Variants in SHLD2 observed in about 807,000 individuals in gnomAD.
SHLD2 encodes RINN1-REV7-interacting novel NHEJ regulator 2.
A neutral mutation model predicts 73.2 loss-of-function variants in SHLD2; 30 were observed. The ratio of observed to expected loss-of-function variants is 0.41; its 90% confidence interval spans 0.31 to 0.56. The LOEUF (loss-of-function observed/expected upper bound fraction) is 0.56, where lower values mean the gene tolerates loss of function less well. Ranked by LOEUF, SHLD2 falls within the 20% of genes least tolerant of loss-of-function variation. The pLI is 0.28. For missense variants in SHLD2, 745 were observed against 1,055.9 expected (o/e 0.71, Z 4.08); for synonymous variants, 285 against 370.1 (o/e 0.77, Z 2.64).
chr10:87,184,279 A>G (rs532112268), intron 8 of SHLD2, among the ~76,000 whole-genome samples: 14 of 151,888 alleles, frequency 9.2e-5, no homozygotes, highest in Non-Finnish European at 2.1e-4. Context: ...ACTTTTTTCC[A>G]TCTCCACTGC....
At position 87,158,133 on chromosome 10, in the gene SHLD2, T is replaced by C. The variant is rs140423511; in HGVS notation, c.1611T>C (p.Tyr537=). 156 of 1,611,106 alleles carry C rather than the reference T, an allele frequency of 9.7e-5. No individual in the cohort carries two copies. The highest frequency in any genetic ancestry group is 1.2e-4 in the Non-Finnish European group (147 of 1,179,458). The part of the protein sequence containing the change: ...FSSQLLNLGS[Y]SSIQPEEYSS... Reference sequence around the variant, plus strand: ...GTCAGTTATTAAATCTTGGGAGTTATTCATCTATTCAGCCTGAAGAATGTA... The same window carrying C: ...GTCAGTTATTAAATCTTGGGAGTTACTCATCTATTCAGCCTGAAGAATGTA... Residue 537 remains tyrosine, a synonymous_variant, in exon 4 of 10, where the codon TAT becomes TAC. Coordinates refer to ENST00000298786, the MANE Select transcript of SHLD2 (RefSeq NM_001330112.2).
intron 8 of SHLD2, among the ~76,000 whole-genome samples, 178 bp from the exon 9 acceptor site, chr10:87,186,907 G>C (rs1848654526): frequency 6.6e-6 from 1 of 150,732 alleles, no homozygotes; most frequent in Non-Finnish European, 1.5e-5. Flanking sequence ...TGAAGCTCTT[G>C]GGGAAAAAAA....
intron 3 of SHLD2, among the ~76,000 whole-genome samples, chr10:87,156,297 C>A (rs1269439224): frequency 6.6e-6 from 1 of 152,024 alleles, no homozygotes; most frequent in Non-Finnish European, 1.5e-5. Flanking sequence ...GAACTCCTGA[C>A]CTTGTGATCT....
chr10:87,094,771 G>A (rs1841686005), upstream of SHLD2: 1 of 1,535,400 alleles, frequency 6.5e-7, no homozygotes, highest in Non-Finnish European at 8.8e-7. The surrounding 1 kb of genome is among the most constrained non-coding windows in gnomAD (Gnocchi z 6.6). Context: ...GCGGTACATG[G>A]CCACAAGCGG....
At chr10:87,111,326 G>A (rs1202919563) in intron 2 of SHLD2, among the ~76,000 whole-genome samples, 1 of 151,908 alleles carries the variant, frequency 6.6e-6, no homozygotes, top group Non-Finnish European at 1.5e-5. Context: ...CCACATCCCA[G>A]TAAGTTTTGT....
chr10:87,139,510 G>A (rs982955810), intron 2 of SHLD2, among the ~76,000 whole-genome samples: 6 of 152,018 alleles, frequency 3.9e-5, no homozygotes, highest in Admixed American at 1.3e-4. Flanking sequence ...TCTGATGATT[G>A]AATTATCAGC....
rs542271324 is a variant in SHLD2, at chr10:87,103,990, T to C, written c.-6+7001T>C. 3.3e-5 allele frequency among the ~76,000 whole-genome samples: 5 copies of C among 152,136 alleles called. No homozygotes were observed. The East Asian group carries it at 7.7e-4, about 23-fold the overall frequency. The stretch of plus-strand genomic sequence containing the variant: ...GGCTCACGCTTGTAATCCTAGCACT[T>C]TGGGAGGCTGAGGTGGGTGGATCAC... On this transcript the variant is annotated intron_variant, in intron 2 of 9. Transcript: ENST00000298786.
rs150604440 is a variant in SHLD2, at chr10:87,152,015, A to G, written c.661A>G (p.Lys221Glu). 1.9e-4 allele frequency: 310 copies of G among 1,611,972 alleles called. No homozygotes were observed. The highest frequency in any genetic ancestry group is 2.3e-4 in the Middle Eastern group (1 of 4,430). Reference sequence around the variant, plus strand: ...ATTATTTTCCTCGAACGCAGTAGATAAGTCAAGGTCTGAAGCAGCAGTTAG... The same window carrying G: ...ATTATTTTCCTCGAACGCAGTAGATGAGTCAAGGTCTGAAGCAGCAGTTAG... ...LGLFSSNAVD[K>E]SRSEAAVRKV... The change falls in exon 3 of 10, where the codon AAG (lysine) becomes GAG (glutamate). Residue 221 changes from lysine (K) to glutamate (E), a missense_variant. By Grantham distance (56) the Lys-to-Glu change is moderately conservative. Around this residue, in one of 5 missense-constraint regions of SHLD2, gnomAD observed 280 missense variants for 353.9 expected, o/e 0.79. Transcript: ENST00000298786.
intron 2 of SHLD2, among the ~76,000 whole-genome samples, chr10:87,146,670 CCTT>C (rs1413790907): frequency 2.6e-5 from 4 of 151,938 alleles, no homozygotes; most frequent in Admixed American, 1.3e-4. Context: ...AGACAATTCT[CCTT>C]CTTCCATTGT....
chr10:87,140,406 T>G, intron 2 of SHLD2, among the ~76,000 whole-genome samples: 1 of 130,766 alleles, frequency 7.6e-6, no homozygotes, highest in African/African-American at 2.9e-5. Context: ...GGCAACAGAG[T>G]GAGAACCTAT....
At chr10:87,176,827 T>C (rs1589652506) in intron 7 of SHLD2, among the ~76,000 whole-genome samples, 1 of 152,252 alleles carries the variant, frequency 6.6e-6, no homozygotes, top group Non-Finnish European at 1.5e-5. Context: ...CAACTTTTAA[T>C]TGAATACAGA....
chr10:87,139,897 A>C (rs1398927126), intron 2 of SHLD2, among the ~76,000 whole-genome samples: 1 of 152,214 alleles, frequency 6.6e-6, no homozygotes, highest in African/African-American at 2.4e-5. Flanking sequence ...AAACTGGGGG[A>C]AAAACTGGAT....
intron 2 of SHLD2, among the ~76,000 whole-genome samples, chr10:87,143,074 C>T (rs1845321082): frequency 6.6e-6 from 1 of 151,598 alleles, no homozygotes; most frequent in Admixed American, 6.6e-5. Flanking sequence ...GGACTACAGG[C>T]ACATACCACC....
chr10:87,177,669 AAGAG>A (rs1848031022), intron 7 of SHLD2, among the ~76,000 whole-genome samples: 2 of 152,228 alleles, frequency 1.3e-5, no homozygotes, highest in African/African-American at 4.8e-5. Context: ...CAAAAGGAGA[AAGAG>A]AGATCAGCAT....
At chr10:87,098,384 A>C (rs1842042046) in intron 2 of SHLD2, among the ~76,000 whole-genome samples, 1 of 151,848 alleles carries the variant, frequency 6.6e-6, no homozygotes, top group South Asian at 2.1e-4. Context: ...GTGATGGTGA[A>C]TCCCTGTAAT....
At chr10:87,110,607 A>C (rs1406299818) in intron 2 of SHLD2, among the ~76,000 whole-genome samples, 1 of 58,386 alleles carries the variant, frequency 1.7e-5, no homozygotes, top group Non-Finnish European at 3.2e-5. Flanking sequence ...ACTCCATCTC[A>C]AAAAAAAAAA....
chr10:87,173,363 C>A (rs1263280438), intron 6 of SHLD2, among the ~76,000 whole-genome samples: 2 of 152,078 alleles, frequency 1.3e-5, no homozygotes, highest in African/African-American at 4.8e-5. Flanking sequence ...TATTAGCCAG[C>A]TTATTAAAAC....
intron 4 of SHLD2, among the ~76,000 whole-genome samples, chr10:87,166,466 A>G (rs559685621): frequency 6.6e-6 from 1 of 152,232 alleles, no homozygotes; most frequent in Non-Finnish European, 1.5e-5. Context: ...TTTTTAAATG[A>G]AGAAAAACTA....
chr10:87,142,192 CATT>C (rs1455645909), intron 2 of SHLD2, among the ~76,000 whole-genome samples: 6 of 152,276 alleles, frequency 3.9e-5, no homozygotes, highest in African/African-American at 1.2e-4. Context: ...TTTACCCCAT[CATT>C]AAGTTATAAT....
Sources: gnomAD v4.1 joint callset for allele counts (sites outside exome capture counted in the v4.1 genomes callset) on GRCh38, gnomAD v4.1.1 for gene constraint, gnomAD v4.1.1 regional missense constraint, Gnocchi (gnomAD v3.1) non-coding constraint, MANE v1.5 for transcripts, NCBI Gene and HGNC (gene_info 2026-07-23, HGNC 2026-07-21) for gene names.